The following MCOLN2 variants were observed in gnomAD, a reference collection of about 807,000 sequenced individuals.
MCOLN2 encodes the protein mucolipin TRP cation channel 2, also known as mucolipin-2.
In MCOLN2, 57 loss-of-function variants were observed where a neutral mutation model predicts 67.5. The observed-to-expected ratio is 0.84, with a 90% CI of 0.68 to 1.05. The LOEUF (loss-of-function observed/expected upper bound fraction) is 1.05, where lower values mean the gene tolerates loss of function less well. Among genes scored for constraint, MCOLN2 ranks in the 50% least tolerant of loss-of-function variants. The pLI, the probability that MCOLN2 is intolerant of heterozygous loss-of-function variation, is 0.00. For missense variants in MCOLN2, 620 were observed against 678.8 expected (o/e 0.91, Z 0.96); for synonymous variants, 246 against 233.3 (o/e 1.05, Z -0.50).
At chr1:84,993,512 C>T (rs1377425666) in intron 1 of MCOLN2, among the ~76,000 whole-genome samples, 2 of 152,154 alleles carry the variant, frequency 1.3e-5, no homozygotes, top group African/African-American at 4.8e-5. Context: ...TAATGGCATC[C>T]ATGATGATGA....
chr1:84,970,613 G>T lies in MCOLN2; in HGVS notation c.78-4905C>A, dbSNP rs374617667. On this transcript the variant is annotated intron_variant, in intron 1 of 13. Coordinates refer to ENST00000370608, the MANE Select transcript of MCOLN2 (RefSeq NM_153259.4). ...CACGAGAATAGCTTGATCTCAGGAG[G>T]CAGAGGTTGCAGTGAGCCAAGATTG... 1.9e-4 allele frequency among the ~76,000 whole-genome samples: 29 copies of T among 152,222 alleles called. No homozygotes were observed. In the East Asian group the frequency reaches 4.8e-3, roughly 25 times the overall value.
At chr1:84,965,249 T>G (rs1649318770) in intron 2 of MCOLN2, among the ~76,000 whole-genome samples, 1 of 152,168 alleles carries the variant, frequency 6.6e-6, no homozygotes, top group Non-Finnish European at 1.5e-5. Context: ...TAAGCTGTGT[T>G]TAATAGAGAG....
intron 1 of MCOLN2, among the ~76,000 whole-genome samples, chr1:84,995,767 G>T (rs980029387): frequency 6.6e-6 from 1 of 151,130 alleles, no homozygotes; most frequent in Non-Finnish European, 1.5e-5. Flanking sequence ...CTTCTCACTT[G>T]CTTCATTAAA....
rs1650650932 is a variant in MCOLN2, at chr1:84,987,569, GATGTATACATAGATATATACATAT to G, written c.77+9203_77+9226del. Reference sequence around the variant, plus strand: ...AGATGTATACATCTATGTATACATAGATGTATACATAGATATATACATATGTATATAGATGTATATCAATCTATA... The same window carrying G: ...AGATGTATACATCTATGTATACATAGGTATATAGATGTATATCAATCTATA... On this transcript the variant is annotated intron_variant, in intron 1 of 13. Transcript: ENST00000370608. Among the ~76,000 whole-genome samples the G allele has an allele frequency of 2.6e-5, 2 of 76,204 alleles. 1 individual carries two copies. The highest frequency in any genetic ancestry group is 4.8e-5 in the Non-Finnish European group (2 of 41,290). The allele number at this position is 76,204 out of a possible 152,430, so 50.0% of individuals were successfully genotyped here. A position where few individuals can be genotyped will look rare whatever the true frequency, so the allele number is the denominator to read the frequency against.
At position 84,926,850 on chromosome 1, in the gene MCOLN2, GA is replaced by G. The variant is rs1332151114; in HGVS notation, c.1665-130del. ...TGTTGAGTGAAACATAGAAGAGGAAGAAAAATTAAGACAGGCAAGGTATTCT... is the reference window on the plus strand; with the variant it reads ...TGTTGAGTGAAACATAGAAGAGGAAGAAAATTAAGACAGGCAAGGTATTCT... On this transcript the variant is annotated intron_variant, in intron 13 of 13. Transcript: ENST00000370608. 5 of 517,532 alleles carry G rather than the reference GA, an allele frequency of 9.7e-6. No homozygotes were observed. In the Admixed American group the frequency reaches 1.7e-4, roughly 17 times the overall value. The allele number at this position is 517,532 out of a possible 1,614,324, so 32.1% of individuals were successfully genotyped here.
At position 84,926,662 on chromosome 1, in the gene MCOLN2, C is replaced by A; in HGVS notation, c.*23G>T. ...CAGCCGCTGGATAAGGATGCCTGAA[C>A]TTTAATCATCTTTAGCAGAACTTTA... On this transcript the variant is annotated 3_prime_UTR_variant, in exon 14 of 14. Coordinates refer to ENST00000370608, the MANE Select transcript of MCOLN2 (RefSeq NM_153259.4). 6.4e-7 allele frequency: 1 copy of A among 1,565,440 alleles called. No individual in the cohort carries two copies. The highest frequency in any genetic ancestry group is 1.4e-5 in the African/African-American group (1 of 73,896).
intron 1 of MCOLN2, among the ~76,000 whole-genome samples, chr1:84,971,544 AC>A (rs1649683501): frequency 7.1e-6 from 1 of 139,964 alleles, no homozygotes; most frequent in Non-Finnish European, 1.6e-5. Flanking sequence ...ACACACACAC[AC>A]GATATCTTAT....
At chr1:84,987,649 TATAC>T (rs1419415883) in intron 1 of MCOLN2, among the ~76,000 whole-genome samples, 1 of 119,974 alleles carries the variant, frequency 8.3e-6, no homozygotes, top group Non-Finnish European at 1.8e-5. Context: ...TATAGAAATA[TATAC>T]ATACATATGT....
At chr1:84,971,023 C>T (rs561565801) in intron 1 of MCOLN2, among the ~76,000 whole-genome samples, 1 of 152,342 alleles carries the variant, frequency 6.6e-6, no homozygotes, top group Admixed American at 6.5e-5. Flanking sequence ...CAGATAATGA[C>T]TGTGAGATCA....
intron 1 of MCOLN2, among the ~76,000 whole-genome samples, chr1:84,983,575 A>G (rs910200890): frequency 6.6e-6 from 1 of 151,976 alleles, no homozygotes; most frequent in Non-Finnish European, 1.5e-5. Flanking sequence ...TGGTCTGTAC[A>G]TAATTTTAAA....
Position 84,965,670 on chromosome 1 carries a change from T to C in MCOLN2, c.116A>G (p.Glu39Gly). 1 of 1,613,704 alleles carries C rather than the reference T, an allele frequency of 6.2e-7. No individual in the cohort carries two copies. The highest frequency in any genetic ancestry group is 1.1e-5 in the South Asian group (1 of 90,942). Reference sequence around the variant, plus strand: ...AAACTTCAGGTCTTCCCTTAGACATTCTTCTTTCATCTCAGAATCACGATG... The same window carrying C: ...AAACTTCAGGTCTTCCCTTAGACATCCTTCTTTCATCTCAGAATCACGATG... ...MAHRDSEMKE[E>G]CLREDLKFYF... Residue 39 changes from glutamate to glycine, a missense_variant, in exon 2 of 14, where the codon GAA becomes GGA. By Grantham distance (98) the Glu-to-Gly change is moderately conservative. Coordinates refer to ENST00000370608, the MANE Select transcript of MCOLN2 (RefSeq NM_153259.4).
chr1:84,980,593 T>C (rs1650207447), intron 1 of MCOLN2, among the ~76,000 whole-genome samples: 1 of 152,166 alleles, frequency 6.6e-6, no homozygotes, highest in African/African-American at 2.4e-5. Context: ...GTCTCTTAAA[T>C]AAATGGTGTT....
At position 84,987,709 on chromosome 1, in the gene MCOLN2, A is replaced by T. The variant is rs1177327949; in HGVS notation, c.77+9087T>A. 6.1e-5 allele frequency among the ~76,000 whole-genome samples: 7 copies of T among 114,326 alleles called. 1 individual carries two copies. The highest frequency in any genetic ancestry group is 9.4e-5 in the Non-Finnish European group (5 of 53,114). 75.0% of individuals were successfully genotyped at this position (114,326 alleles called of 152,430 possible). A position where few individuals can be genotyped will look rare whatever the true frequency, so the allele number is the denominator to read the frequency against. ...AGATGTATAGATGTATATAGATTAT[A>T]TATACACCATTGAATGCTACTCAGC... is the stretch of plus-strand genomic sequence containing the variant. On this transcript the variant is annotated intron_variant, in intron 1 of 13. Transcript: ENST00000370608.
At chr1:84,983,562 G>T (rs1053924974) in intron 1 of MCOLN2, among the ~76,000 whole-genome samples, 1 of 150,628 alleles carries the variant, frequency 6.6e-6, no homozygotes, top group Non-Finnish European at 1.5e-5. Flanking sequence ...GAGACACTGC[G>T]CCTGGTCTGT....
Position 84,931,483 on chromosome 1 carries a change from T to C in MCOLN2, c.1421A>G (p.Gln474Arg), listed in dbSNP as rs1487274637. ...DMFATFAQIQ[Q>R]KSILVWLFSR... is the part of the protein sequence containing the mutation. ...GAACAGCCACACCAAGATGCTCTTC[T>C]GCTGGATTTGGGCAAAGGTTGCAAA... The change falls in exon 12 of 14, where the codon CAG (glutamine) becomes CGG (arginine). Residue 474 changes from glutamine to arginine, a missense_variant. Gln to Arg is a conservative substitution (Grantham distance 43). Transcript: ENST00000370608. 3 of 1,614,034 alleles carry C rather than the reference T, an allele frequency of 1.9e-6. No homozygotes were observed. Among genetic ancestry groups the C allele is most frequent in the Non-Finnish European group, 2.5e-6 (3 of 1,179,916 alleles).
At chr1:84,926,791 A>G (rs1170492552) in intron 13 of MCOLN2, 70 bp from the exon 14 acceptor site, 2 of 1,205,764 alleles carry the variant, frequency 1.7e-6, no homozygotes, top group African/African-American at 3.0e-5. Context: ...AGCAATAGGA[A>G]TACTCTATAT....
intron 1 of MCOLN2, among the ~76,000 whole-genome samples, chr1:84,978,695 C>T (rs1650111309): frequency 6.6e-6 from 1 of 152,062 alleles, no homozygotes; most frequent in Non-Finnish European, 1.5e-5. Flanking sequence ...GAGATCGAAG[C>T]TGTAACAGGA....
At chr1:84,939,831 C>T (rs144329244) in intron 8 of MCOLN2, 129 bp from the exon 9 acceptor site, 11,825 of 890,832 alleles carry the variant, frequency 0.013, 115 homozygotes, top group Non-Finnish European at 0.014. Context: ...CCAGATCCAC[C>T]TCGAAAGTGG....
At chr1:84,927,204 T>TA (rs5775807) in intron 13 of MCOLN2, among the ~76,000 whole-genome samples, 34 of 138,416 alleles carry the variant, frequency 2.5e-4, no homozygotes, top group South Asian at 6.7e-4. Flanking sequence ...AAAGTAAAAT[T>TA]AAAAAAAAAA....
Sources: gnomAD v4.1 joint callset for allele counts (sites outside exome capture counted in the v4.1 genomes callset) on GRCh38, gnomAD v4.1.1 for gene constraint, MANE v1.5 for transcripts, NCBI Gene and HGNC (gene_info 2026-07-23, HGNC 2026-07-21) for gene names.